MDM1: variants seen among roughly 807,000 people sequenced by gnomAD.
MDM1 encodes stabilizer of axonemal microtubules 6.
A neutral mutation model predicts 89.1 loss-of-function variants in MDM1; 61 were observed. The observed-to-expected ratio is 0.68, with a 90% CI of 0.56 to 0.85. The LOEUF is 0.85. Ranked by LOEUF, MDM1 falls within the 40% of genes least tolerant of loss-of-function variation. The pLI is 0.00. For missense variants in MDM1, 820 were observed against 846.5 expected (o/e 0.97, Z 0.39); for synonymous variants, 290 against 294.1 (o/e 0.99, Z 0.14).
chr12:68,311,243 A>T (rs1873641014), intron 12 of MDM1, among the ~76,000 whole-genome samples: 1 of 152,098 alleles, frequency 6.6e-6, no homozygotes, highest in African/African-American at 2.4e-5. Context: ...AGGGCACACA[A>T]CCCTTCCTGA....
At position 68,302,881 on chromosome 12, in the gene MDM1, CAAAAAAAAAA is replaced by C; in HGVS notation, c.1750-19_1750-10del. Reference sequence around the variant, plus strand: ...ACAGCACGACTTTCTTTCTAAATGACAAAAAAAAAAAAAAAAAAAAGATGCCTATGTGTAG... The same window carrying C: ...ACAGCACGACTTTCTTTCTAAATGACAAAAAAAAAAGATGCCTATGTGTAG... On this transcript the variant is annotated splice_polypyrimidine_tract_variant and intron_variant, in intron 12 of 14. Coordinates refer to ENST00000682720, the MANE Select transcript of MDM1 (RefSeq NM_001354969.2). The C allele has an allele frequency of 2.5e-5, 28 of 1,103,212 alleles. No homozygotes were observed. Among genetic ancestry groups the C allele is most frequent in the Middle Eastern group, 3.1e-4 (1 of 3,190 alleles). 68.3% of individuals were successfully genotyped at this position (1,103,212 alleles called of 1,614,324 possible).
intron 9 of MDM1, 92 bp from the exon 10 acceptor site, chr12:68,315,357 T>A: frequency 8.6e-7 from 1 of 1,166,756 alleles, no homozygotes; most frequent in Non-Finnish European, 1.2e-6. Context: ...TTCCTTCTAC[T>A]GTTCACAACT....
rs989504552 is a variant in MDM1, at chr12:68,332,333, A to G, written c.-88T>C. Reference sequence around the variant, plus strand: ...CGGGGCGATAACAGTGTTCCCTAGCAAAGCCTCGGCCCGGCGTCCCCGACT... The same window carrying G: ...CGGGGCGATAACAGTGTTCCCTAGCGAAGCCTCGGCCCGGCGTCCCCGACT... On this transcript the variant is annotated 5_prime_UTR_variant, in exon 1 of 15. Coordinates refer to ENST00000682720, the MANE Select transcript of MDM1 (RefSeq NM_001354969.2). 10 of 1,441,522 alleles carry G rather than the reference A, an allele frequency of 6.9e-6. No individual in the cohort carries two copies. In the African/African-American group the frequency reaches 1.1e-4, roughly 17 times the overall value. 89.3% of individuals were successfully genotyped at this position (1,441,522 alleles called of 1,614,324 possible). A position where few individuals can be genotyped will look rare whatever the true frequency, so the allele number is the denominator to read the frequency against.
chr12:68,298,252 G>A (rs1398295714), intron 13 of MDM1, among the ~76,000 whole-genome samples: 2 of 152,114 alleles, frequency 1.3e-5, no homozygotes, highest in Admixed American at 6.6e-5. Context: ...ATCTGTCTAC[G>A]TGACAAGTTC....
At chr12:68,322,354 C>T (rs776826628) in intron 5 of MDM1, among the ~76,000 whole-genome samples, 117 of 152,088 alleles carry the variant, frequency 7.7e-4, no homozygotes, top group Admixed American at 3.5e-3. Context: ...ATGTGATGGC[C>T]GGGTGTGGTG....
intron 13 of MDM1, among the ~76,000 whole-genome samples, chr12:68,299,339 G>A (rs1871839056): frequency 6.6e-6 from 1 of 151,938 alleles, no homozygotes; most frequent in South Asian, 2.1e-4. Context: ...TGATGATTAA[G>A]CTACTCAAGG....
intron 2 of MDM1, among the ~76,000 whole-genome samples, chr12:68,328,975 C>G (rs1876401674): frequency 2.0e-5 from 3 of 152,186 alleles, no homozygotes; most frequent in Admixed American, 1.3e-4. Flanking sequence ...GCTTTGCTCT[C>G]ATGGTCTCAT....
At chr12:68,316,337 C>T in intron 8 of MDM1, 84 bp from the exon 9 acceptor site, 5 of 1,400,132 alleles carry the variant, frequency 3.6e-6, no homozygotes, top group Non-Finnish European at 4.8e-6. Context: ...AGACATTGCA[C>T]AAATACAGCC....
At chr12:68,316,323 T>C (rs1874499037) in intron 8 of MDM1, 70 bp from the exon 9 acceptor site, 1 of 1,466,748 alleles carries the variant, frequency 6.8e-7, no homozygotes, top group Admixed American at 2.2e-5. Flanking sequence ...AAGTAGCATA[T>C]CAAAGACATT....
In MDM1 at chr12:68,326,856, T is replaced by G. The variant is rs1204135479; in HGVS notation, c.299A>C (p.Lys100Thr). ...GTGAACTCTTTCTTGAGTAACATCC[T>G]TTTGTTCTGCTTCTTGTGATTTTGG... ...ETPKSQEAEQ[K>T]DVTQERVHSL... Residue 100 changes from lysine (K) to threonine (T), a missense_variant, in exon 3 of 15, where the codon AAG becomes ACG. Physicochemically the swap from Lys to Thr is moderately conservative, Grantham distance 78 (BLOSUM62 -1). Coordinates refer to ENST00000682720, the MANE Select transcript of MDM1 (RefSeq NM_001354969.2). The G allele has an allele frequency of 1.2e-6, 2 of 1,613,824 alleles. No homozygotes were observed. Among genetic ancestry groups the G allele is most frequent in the Non-Finnish European group, 1.7e-6 (2 of 1,179,876 alleles).
At chr12:68,311,271 T>G (rs1873644775) in intron 12 of MDM1, among the ~76,000 whole-genome samples, 1 of 152,168 alleles carries the variant, frequency 6.6e-6, no homozygotes, top group Non-Finnish European at 1.5e-5. Context: ...TCTGCCAACT[T>G]TGTGACCACC....
intron 12 of MDM1, among the ~76,000 whole-genome samples, chr12:68,308,746 TAA>T (rs532965828): frequency 7.4e-4 from 113 of 152,324 alleles, no homozygotes; most frequent in African/African-American, 2.5e-3. Flanking sequence ...AAGAGCCTAT[TAA>T]ATATTGAATT....
Position 68,295,319 on chromosome 12 carries a change from G to C in MDM1, c.2110C>G (p.Leu704Val). The change falls in exon 15 of 15, where the codon CTC becomes GTC. Residue 704 changes from leucine to valine, a missense_variant. Physicochemically the swap from Leu to Val is conservative, Grantham distance 32 (BLOSUM62 1). Transcript: ENST00000682720. ...EISARSAASS[L>V]RAFQTLARAK... ...CGTGCCAGAGTTTGAAAAGCCCGGA[G>C]ACTAGAAGCTGCAGAGCGAGCAGAA... is the stretch of plus-strand genomic sequence containing the variant. The C allele has an allele frequency of 6.2e-7, 1 of 1,613,304 alleles. No homozygotes were observed. The highest frequency in any genetic ancestry group is 1.3e-5 in the African/African-American group (1 of 75,012).
At chr12:68,332,172 C>A (rs1227394329) in intron 1 of MDM1, 56 bp downstream of exon 1, 6 of 1,504,166 alleles carry the variant, frequency 4.0e-6, no homozygotes, top group Admixed American at 4.4e-5. Context: ...GCGCTCCACA[C>A]CTCCCCGGCC....
At chr12:68,314,802 C>G in intron 10 of MDM1, 146 bp downstream of exon 10, 1 of 697,508 alleles carries the variant, frequency 1.4e-6, no homozygotes, top group Non-Finnish European at 2.4e-6. Flanking sequence ...ATTCACCATA[C>G]AGCAGTGCCT....
At chr12:68,319,796 T>C (rs1874979562) in intron 7 of MDM1, among the ~76,000 whole-genome samples, 1 of 152,314 alleles carries the variant, frequency 6.6e-6, no homozygotes, top group East Asian at 1.9e-4. Context: ...AAAGCTGCAT[T>C]ACCAAGATAT....
At chr12:68,298,500 G>A (rs992773057) in intron 13 of MDM1, among the ~76,000 whole-genome samples, 15 of 152,292 alleles carry the variant, frequency 9.8e-5, no homozygotes, top group African/African-American at 3.4e-4. Context: ...TGCAGACACA[G>A]CTGGGACTTC....
chr12:68,298,508 T>A lies in MDM1; in HGVS notation c.2003-1526A>T, dbSNP rs1251711923. Among the ~76,000 whole-genome samples, 4 of 152,188 alleles carry A rather than the reference T, an allele frequency of 2.6e-5. No homozygotes were observed. The East Asian group carries it at 5.8e-4, about 22-fold the overall frequency. On this transcript the variant is annotated intron_variant, in intron 13 of 14. Transcript: ENST00000682720. ...CCACCACTGCAGACACAGCTGGGAC[T>A]TCTCCCACAGGACTCGGTATGAGTG...
Position 68,295,222 on chromosome 12 carries a change from T to C in MDM1, c.*32A>G, listed in dbSNP as rs183949234. 1.6e-3 allele frequency: 2,298 copies of C among 1,432,312 alleles called. 16 individuals carry two copies. Among genetic ancestry groups the C allele is most frequent in the Middle Eastern group, 0.013 (72 of 5,594 alleles). 88.7% of individuals were successfully genotyped at this position (1,432,312 alleles called of 1,614,324 possible). On this transcript the variant is annotated 3_prime_UTR_variant, in exon 15 of 15. Transcript: ENST00000682720. ...AAGCAATAAAGAAAAATTATGCCAA[T>C]GTTTCCTTAGATAAAGGCAACTCAG...
Sources: gnomAD v4.1 joint callset for allele counts (sites outside exome capture counted in the v4.1 genomes callset) on GRCh38, gnomAD v4.1.1 for gene constraint, MANE v1.5 for transcripts, NCBI Gene and HGNC (gene_info 2026-07-23, HGNC 2026-07-21) for gene names.